SHISA9: variants seen among roughly 807,000 people sequenced by gnomAD.
SHISA9 encodes the protein shisa family member 9.
Under a neutral mutation model 38.0 loss-of-function variants are expected in SHISA9, and 13 were observed. The observed-to-expected ratio is 0.34, with a 90% CI of 0.22 to 0.54. The LOEUF (loss-of-function observed/expected upper bound fraction) is 0.54. Among genes scored for constraint, SHISA9 ranks in the 20% least tolerant of loss-of-function variants. SHISA9 has a pLI of 0.91. For synonymous variants in SHISA9, 275 were observed against 242.0 expected (o/e 1.14, Z -1.27); for missense variants, 538 against 575.8 (o/e 0.93, Z 0.67).
the SHISA9 span, among the ~76,000 whole-genome samples, chr16:13,503,942 AG>A: frequency 2.0e-5 from 3 of 152,312 alleles, 1 homozygote; most frequent in Middle Eastern, 0.01. Context: ...TTGAAATCCA[AG>A]CACAATATAA....
At chr16:13,158,233 C>T (rs1258075981) in intron 2 of SHISA9, among the ~76,000 whole-genome samples, 4 of 152,210 alleles carry the variant, frequency 2.6e-5, no homozygotes, top group Admixed American at 6.5e-5. Context: ...GACCAACATT[C>T]AGATCCCAGC....
chr16:13,289,902 A>G, the SHISA9 span, among the ~76,000 whole-genome samples: 1 of 152,214 alleles, frequency 6.6e-6, no homozygotes, highest in Non-Finnish European at 1.5e-5. Flanking sequence ...TATTTGAATA[A>G]TCCTGACTAA....
the SHISA9 span, among the ~76,000 whole-genome samples, chr16:13,558,854 T>A: frequency 5.3e-5 from 8 of 152,346 alleles, 1 homozygote; most frequent in South Asian, 4.1e-4. Context: ...AAGCTAGGAA[T>A]GTTTTCATCA....
At chr16:13,052,646 G>A (rs1033355591) in intron 2 of SHISA9, among the ~76,000 whole-genome samples, 7 of 152,154 alleles carry the variant, frequency 4.6e-5, no homozygotes, top group African/African-American at 1.7e-4. Context: ...AAATCCATAT[G>A]GCTCCAAGTT....
rs564240615 is a variant in SHISA9, at chr16:13,232,445, T to A, written c.896-2585T>A. 2.0e-5 allele frequency among the ~76,000 whole-genome samples: 3 copies of A among 152,076 alleles called. No individual in the cohort carries two copies. In the East Asian group the frequency reaches 5.8e-4, roughly 29 times the overall value. On this transcript the variant is annotated intron_variant, in intron 4 of 4. Coordinates refer to ENST00000558583, the MANE Select transcript of SHISA9 (RefSeq NM_001145204.3). Reference sequence around the variant, plus strand: ...CAGAACTTAAAGTATAATAAAAAAATTAAAAGAAAAGAAAAGAAAGTGTTG... The same window carrying A: ...CAGAACTTAAAGTATAATAAAAAAAATAAAAGAAAAGAAAAGAAAGTGTTG...
intron 2 of SHISA9, among the ~76,000 whole-genome samples, chr16:13,127,233 AAG>A (rs1341066676): frequency 8.9e-6 from 1 of 112,194 alleles, no homozygotes; most frequent in Non-Finnish European, 1.9e-5. Flanking sequence ...GAGGGGGAGA[AAG>A]AATGAGTGAG....
chr16:13,445,882 C>G, the SHISA9 span, among the ~76,000 whole-genome samples: 1 of 152,130 alleles, frequency 6.6e-6, no homozygotes, highest in Non-Finnish European at 1.5e-5. Context: ...ACATTACCTC[C>G]AAGACTAGTA....
the SHISA9 span, among the ~76,000 whole-genome samples, chr16:13,301,500 A>G: frequency 1.3e-5 from 2 of 152,224 alleles, no homozygotes; most frequent in Non-Finnish European, 1.5e-5. Context: ...CTGCTGGTGC[A>G]CAAAAAGACA....
At chr16:13,528,600 A>G in the SHISA9 span, among the ~76,000 whole-genome samples, 1 of 152,138 alleles carries the variant, frequency 6.6e-6, no homozygotes, top group African/African-American at 2.4e-5. Context: ...TCATAGAAAA[A>G]AAACTGGGGC....
At chr16:13,015,786 G>T (rs1212365768) in intron 2 of SHISA9, among the ~76,000 whole-genome samples, 2 of 151,674 alleles carry the variant, frequency 1.3e-5, no homozygotes, top group Non-Finnish European at 2.9e-5. Flanking sequence ...ATTTCACAAA[G>T]AGAAATTTCT....
chr16:12,942,365 A>T (rs890209083), intron 2 of SHISA9, among the ~76,000 whole-genome samples: 10 of 152,180 alleles, frequency 6.6e-5, no homozygotes, highest in African/African-American at 2.4e-4. Flanking sequence ...TGGAACACTG[A>T]CACTTGCAGA....
intron 3 of SHISA9, among the ~76,000 whole-genome samples, chr16:13,208,439 T>C (rs945910632): frequency 2.5e-4 from 23 of 91,322 alleles, no homozygotes; most frequent in Non-Finnish European, 3.5e-4. Flanking sequence ...TTTTCTTTTT[T>C]TTTCTTTTTT....
intron 2 of SHISA9, among the ~76,000 whole-genome samples, chr16:13,096,872 T>C (rs1453808059): frequency 6.6e-6 from 1 of 152,156 alleles, no homozygotes; most frequent in Non-Finnish European, 1.5e-5. Context: ...ATGGCTCCTC[T>C]TCTTGTCACC....
the SHISA9 span, among the ~76,000 whole-genome samples, chr16:13,282,217 T>A: frequency 1.3e-5 from 2 of 151,974 alleles, no homozygotes; most frequent in Non-Finnish European, 2.9e-5. Context: ...ATGATTTATC[T>A]AAAAATGCCT....
At chr16:13,434,011 A>G in the SHISA9 span, among the ~76,000 whole-genome samples, 1 of 152,204 alleles carries the variant, frequency 6.6e-6, no homozygotes, top group Non-Finnish European at 1.5e-5. Flanking sequence ...CTGCAAAGCT[A>G]AGTAGCAAGA....
At chr16:13,322,159 C>T in the SHISA9 span, among the ~76,000 whole-genome samples, 7 of 152,272 alleles carry the variant, frequency 4.6e-5, no homozygotes, top group South Asian at 2.1e-4. Context: ...GAAATGGCCT[C>T]GAAGGAGCTG....
At chr16:13,393,830 C>G in the SHISA9 span, among the ~76,000 whole-genome samples, 1 of 152,184 alleles carries the variant, frequency 6.6e-6, no homozygotes, top group Non-Finnish European at 1.5e-5. Flanking sequence ...TTTTGCTAAT[C>G]TGATCATTTT....
chr16:13,508,905 G>A, the SHISA9 span, among the ~76,000 whole-genome samples: 7 of 152,266 alleles, frequency 4.6e-5, no homozygotes, highest in South Asian at 1.2e-3. Flanking sequence ...TGTGGCAATT[G>A]TACAAAATGA....
At chr16:13,537,025 T>A in the SHISA9 span, among the ~76,000 whole-genome samples, 2 of 152,150 alleles carry the variant, frequency 1.3e-5, no homozygotes, top group Non-Finnish European at 2.9e-5. Flanking sequence ...GTTTCATAAC[T>A]CTGACATACC....
Sources: gnomAD v4.1 joint callset for allele counts (sites outside exome capture counted in the v4.1 genomes callset) on GRCh38, gnomAD v4.1.1 for gene constraint, MANE v1.5 for transcripts, NCBI Gene and HGNC (gene_info 2026-07-23, HGNC 2026-07-21) for gene names.